The following ZNF302 variants were observed in gnomAD, a reference collection of about 807,000 sequenced individuals.
ZNF302 encodes the protein zinc finger protein 302.
A neutral mutation model predicts 10.8 loss-of-function variants in ZNF302; 12 were observed. That is an observed-to-expected ratio of 1.11 (90% CI 0.71 to 1.79). The LOEUF (loss-of-function observed/expected upper bound fraction) is 1.79, where lower values mean the gene tolerates loss of function less well. Ranked by LOEUF, ZNF302 falls within the 40% of genes most tolerant of loss-of-function variation. The pLI, the probability that ZNF302 is intolerant of heterozygous loss-of-function variation, is 0.00. For missense variants in ZNF302, 461 were observed against 471.1 expected (o/e 0.98, Z 0.20); for synonymous variants, 178 against 157.5 (o/e 1.13, Z -0.98).
Position 34,685,402 on chromosome 19 carries a change from T to C in ZNF302, c.*165T>C, listed in dbSNP as rs1438421379. 1 of 1,609,058 alleles carries C rather than the reference T, an allele frequency of 6.2e-7. No individual in the cohort carries two copies. Among genetic ancestry groups the C allele is most frequent in the East Asian group, 2.2e-5 (1 of 44,848 alleles). ...ATACTGGAGAGAAACCTTACGAATG[T>C]ATTAAATGTGGGAAGACCTTCAGCT... On this transcript the variant is annotated 3_prime_UTR_variant, in exon 5 of 5. Coordinates refer to ENST00000505242, the MANE Select transcript of ZNF302 (RefSeq NM_001289187.2).
intron 2 of ZNF302, chr19:34,681,480 C>CA (rs1340365635): frequency 6.6e-6 from 1 of 152,070 alleles, no homozygotes; most frequent in African/African-American, 2.4e-5. Context: ...TTTTTGACAC[C>CA]AGGGATCAGT....
intron 2 of ZNF302, among the ~76,000 whole-genome samples, chr19:34,679,339 CTCA>C (rs1265215738): frequency 6.6e-6 from 1 of 152,206 alleles, no homozygotes; most frequent in Admixed American, 6.5e-5. Flanking sequence ...GCCCTTAACC[CTCA>C]TCAGTCTGTT....
chr19:34,683,992 C>T, intron 4 of ZNF302: 1 of 1,451,722 alleles, frequency 6.9e-7, no homozygotes, highest in Non-Finnish European at 9.1e-7. Flanking sequence ...TTTCGTACAG[C>T]TTACCCATTT....
chr19:34,682,797 T>C lies in ZNF302; in HGVS notation c.30T>C (p.Ala10=). The change falls in exon 3 of 5, where the codon GCT becomes GCC. Residue 10 remains alanine (A), a synonymous_variant. Coordinates refer to ENST00000505242, the MANE Select transcript of ZNF302 (RefSeq NM_001289187.2). ...TTCAGGTGACATTTAGTGATGTGGC[T>C]ATAGACTTCTCTCATGAAGAGTGGG... MSQVTFSDV[A]IDFSHEEWAC... 1.2e-6 allele frequency: 2 copies of C among 1,613,730 alleles called. No individual in the cohort carries two copies. The highest frequency in any genetic ancestry group is 8.5e-7 in the Non-Finnish European group (1 of 1,179,668).
At chr19:34,680,633 G>A (rs1034849863) in intron 2 of ZNF302, among the ~76,000 whole-genome samples, 1 of 152,184 alleles carries the variant, frequency 6.6e-6, no homozygotes, top group Admixed American at 6.5e-5. Flanking sequence ...TGAGATGAGT[G>A]AACATCTCAA....
chr19:34,684,391 T>C lies in ZNF302; in HGVS notation c.354T>C (p.Tyr118=). The C allele has an allele frequency of 6.2e-7, 1 of 1,610,032 alleles. No individual in the cohort carries two copies. Among genetic ancestry groups the C allele is most frequent in the East Asian group, 2.2e-5 (1 of 44,806 alleles). ...CAAATTCTAATAAGAATTTGGAATA[T>C]ACAGAATGCGACACATTTAGAAGCA... ...EFSNSNKNLE[Y]TECDTFRSTF... is the part of the protein sequence containing the mutation. The change falls in exon 5 of 5, where the codon TAT becomes TAC. Residue 118 remains tyrosine, a synonymous_variant. Transcript: ENST00000505242.
Position 34,684,876 on chromosome 19 carries a change from C to G in ZNF302, c.839C>G (p.Thr280Arg). 6.2e-7 allele frequency: 1 copy of G among 1,613,772 alleles called. No individual in the cohort carries two copies. The highest frequency in any genetic ancestry group is 8.5e-7 in the Non-Finnish European group (1 of 1,179,768). Residue 280 changes from threonine to arginine, a missense_variant, in exon 5 of 5, where the codon ACG becomes AGG. Transcript: ENST00000505242. ...CTTACTAACCATCAGAGCACTCACA[C>G]GGGAGAGAAACCGTATGAATGTATG... ...SSLTNHQSTHTGEKPYECMNC... is the reference protein window; with the variant it reads ...SSLTNHQSTHRGEKPYECMNC...
intron 2 of ZNF302, 122 bp from the exon 3 acceptor site, chr19:34,682,655 A>ATTT (rs2068415913): frequency 6.9e-6 from 10 of 1,445,466 alleles, no homozygotes; most frequent in Non-Finnish European, 9.4e-6. Context: ...TCACATTCCC[A>ATTT]GTCATTGTCA....
upstream of ZNF302, chr19:34,677,582 G>C (rs963350194): frequency 2.0e-5 from 3 of 152,332 alleles, no homozygotes; most frequent in African/African-American, 7.2e-5. Context: ...CTTGGGAAGT[G>C]TGGTCTTCGG....
At chr19:34,676,183 A>G (rs1200603271), upstream of ZNF302, 2 of 152,200 alleles carry the variant, frequency 1.3e-5, no homozygotes. Context: ...TGGTGCATTT[A>G]CAAACCTTTA....
chr19:34,679,953 AG>A lies in ZNF302; in HGVS notation c.9+1144del, dbSNP rs1290580034. The A allele has an allele frequency of 1.8e-5, 13 of 702,856 alleles. No individual in the cohort carries two copies. In the South Asian group the frequency reaches 1.9e-4, roughly 10 times the overall value. The allele number at this position is 702,856 out of a possible 1,614,324, so 43.5% of individuals were successfully genotyped here. A position where few individuals can be genotyped will look rare whatever the true frequency, so the allele number is the denominator to read the frequency against. ...GCATGGAAGGTGAAGCTTGCACAGG[AG>A]GGGATGTAAGTAGCAGATGTACATC... On this transcript the variant is annotated intron_variant, in intron 2 of 4. Transcript: ENST00000505242.
At chr19:34,678,925 C>T (rs1663168395) in intron 2 of ZNF302, 112 bp downstream of exon 2, 2 of 1,266,774 alleles carry the variant, frequency 1.6e-6, no homozygotes, top group African/African-American at 1.5e-5. Context: ...GGGACTAGAT[C>T]TATGGTTCCT....
upstream of ZNF302, chr19:34,676,490 A>C (rs1478815760): frequency 6.6e-6 from 1 of 152,208 alleles, no homozygotes; most frequent in Non-Finnish European, 1.5e-5. Flanking sequence ...CTTGTTTAGC[A>C]CATCATCAAG....
intron 1 of ZNF302, among the ~76,000 whole-genome samples, chr19:34,678,390 T>G (rs3179420): frequency 7.1e-6 from 1 of 139,906 alleles, no homozygotes; most frequent in Admixed American, 7.5e-5. Flanking sequence ...TCGAGGTCGC[T>G]CCATTGCACT....
Position 34,685,849 on chromosome 19 carries a change from A to G in ZNF302, c.*612A>G, listed in dbSNP as rs1214664587. 3.5e-6 allele frequency: 1 copy of G among 281,822 alleles called. No individual in the cohort carries two copies. The highest frequency in any genetic ancestry group is 6.7e-6 in the Non-Finnish European group (1 of 149,604). The allele number at this position is 281,822 out of a possible 1,614,324, so 17.5% of individuals were successfully genotyped here. On this transcript the variant is annotated 3_prime_UTR_variant, in exon 5 of 5. Transcript: ENST00000505242. ...TCAGTATTAATCCCTTAATTGACCT[A>G]AGTATACTCACACTAGGAAAAATCT...
intron 2 of ZNF302, among the ~76,000 whole-genome samples, chr19:34,680,977 A>G (rs371492315): frequency 2.0e-5 from 3 of 152,356 alleles, no homozygotes; most frequent in Admixed American, 1.3e-4. Context: ...TTATTCAGTA[A>G]TAAAACTGCT....
chr19:34,678,780 G>C lies in ZNF302; in HGVS notation c.-25G>C. On this transcript the variant is annotated 5_prime_UTR_variant, in exon 2 of 5. Coordinates refer to ENST00000505242, the MANE Select transcript of ZNF302 (RefSeq NM_001289187.2). ...GATAAGAACCTGGAAAGGGGACTCT[G>C]TTGGCCATTGGAAATTGCAGAATAA... 6.2e-7 allele frequency: 1 copy of C among 1,613,860 alleles called. No individual in the cohort carries two copies. Among genetic ancestry groups the C allele is most frequent in the South Asian group, 1.1e-5 (1 of 91,084 alleles).
At position 34,685,640 on chromosome 19, in the gene ZNF302, G is replaced by T. The variant is rs2068622663; in HGVS notation, c.*403G>T. 16 of 941,760 alleles carry T rather than the reference G, an allele frequency of 1.7e-5. No homozygotes were observed. The highest frequency in any genetic ancestry group is 2.3e-5 in the Non-Finnish European group (14 of 595,954). The allele number at this position is 941,760 out of a possible 1,614,324, so 58.3% of individuals were successfully genotyped here. On this transcript the variant is annotated 3_prime_UTR_variant, in exon 5 of 5. Transcript: ENST00000505242. Reference sequence around the variant, plus strand: ...TGAGAAATCTTACAGAAGAGAAGCAGTGTTTATCACGGTAAACTTCATTCA... The same window carrying T: ...TGAGAAATCTTACAGAAGAGAAGCATTGTTTATCACGGTAAACTTCATTCA...
In ZNF302 at chr19:34,677,965, C is replaced by T. The variant is rs1447914403; in HGVS notation, c.-207C>T. ...TGGCCTTCCTGTTGAGCCGTGTAAA[C>T]GCGGGGTGATGACGGCGCCGACCTC... is the stretch of plus-strand genomic sequence containing the variant. On this transcript the variant is annotated 5_prime_UTR_variant, in exon 1 of 5. The change creates a new upstream start codon in the 5' untranslated region. Coordinates refer to ENST00000505242, the MANE Select transcript of ZNF302 (RefSeq NM_001289187.2). The T allele has an allele frequency of 6.6e-6, 1 of 152,232 alleles. No individual in the cohort carries two copies. The highest frequency in any genetic ancestry group is 1.5e-5 in the Non-Finnish European group (1 of 68,062). 9.4% of individuals were successfully genotyped at this position (152,232 alleles called of 1,614,324 possible).
Sources: gnomAD v4.1 joint callset for allele counts (sites outside exome capture counted in the v4.1 genomes callset) on GRCh38, gnomAD v4.1.1 for gene constraint, MANE v1.5 for transcripts, NCBI Gene and HGNC (gene_info 2026-07-23, HGNC 2026-07-21) for gene names.